Variants in ERICH1 observed in about 807,000 individuals in gnomAD.
ERICH1 encodes glutamate rich 1, also known as glutamate-rich protein 1.
Under a neutral mutation model 39.6 loss-of-function variants are expected in ERICH1, and 56 were observed. The ratio of observed to expected loss-of-function variants is 1.41; its 90% CI spans 1.14 to 1.77. ERICH1 has a LOEUF of 1.77. Among genes scored for constraint, ERICH1 ranks in the 40% most tolerant of loss-of-function variants. The pLI is 0.00. For synonymous variants in ERICH1, 313 were observed against 223.6 expected (o/e 1.40, Z -3.57); for missense variants, 826 against 575.4 (o/e 1.44, Z -4.45).
chr8:660,179 C>T (rs1303263517), downstream of ERICH1, among the ~76,000 whole-genome samples: 1 of 150,176 alleles, frequency 6.7e-6, no homozygotes, highest in Admixed American at 6.6e-5. Flanking sequence ...TTCCCCGACT[C>T]TCCCCCTGGC....
intron 5 of ERICH1, 172 bp downstream of exon 5, chr8:668,426 C>G (rs1393135837): frequency 4.7e-6 from 3 of 641,162 alleles, no homozygotes; most frequent in Non-Finnish European, 8.1e-6. Context: ...ATTTTTATAT[C>G]AAGCAGAGAT....
intron 3 of ERICH1, among the ~76,000 whole-genome samples, chr8:630,875 T>C (rs1584961579): frequency 1.2e-5 from 1 of 85,776 alleles, no homozygotes; most frequent in African/African-American, 5.1e-5. Context: ...ACTCACACCC[T>C]CCTGTGACCA....
chr8:655,791 TTC>T (rs144650377), intron 3 of ERICH1, among the ~76,000 whole-genome samples: 80,051 of 151,274 alleles, frequency 0.53, 21,303 homozygotes, highest in Non-Finnish European at 0.57. Flanking sequence ...TTTAAATACA[TTC>T]CTGCAGAATT....
intron 4 of ERICH1, 55 bp downstream of exon 4, chr8:673,234 T>C (rs1168695294): frequency 1.3e-6 from 2 of 1,515,694 alleles, no homozygotes; most frequent in Admixed American, 2.2e-5. Context: ...TTGTTTCTTT[T>C]AATAAACTTT....
At chr8:616,655 G>T in intron 3 of ERICH1, 1 of 453,630 alleles carries the variant, frequency 2.2e-6, no homozygotes, top group East Asian at 7.0e-5. Context: ...AGACAGACGG[G>T]GGCGCGGGGG....
chr8:668,477 C>T, intron 5 of ERICH1, 121 bp downstream of exon 5: 1 of 920,218 alleles, frequency 1.1e-6, no homozygotes, highest in African/African-American at 1.6e-5. Context: ...TTCTCCCATG[C>T]CATATGTGCA....
chr8:632,283 T>C (rs1217031682), intron 3 of ERICH1, among the ~76,000 whole-genome samples: 1 of 152,200 alleles, frequency 6.6e-6, no homozygotes, highest in African/African-American at 2.4e-5. Flanking sequence ...CTCAAAACTA[T>C]TGTTGCTTTC....
At chr8:696,751 C>T (rs867587296) in intron 2 of ERICH1, among the ~76,000 whole-genome samples, 228 of 46,532 alleles carry the variant, frequency 4.9e-3, no homozygotes, top group East Asian at 9.9e-3. Context: ...CTCTCACCCT[C>T]CACTCCTCTC....
At chr8:622,334 G>C (rs1466332674) in intron 3 of ERICH1, among the ~76,000 whole-genome samples, 3 of 152,134 alleles carry the variant, frequency 2.0e-5, no homozygotes, top group Non-Finnish European at 4.4e-5. Context: ...TAGGAGGTGG[G>C]GCCTTTGGAG....
At chr8:621,611 T>A (rs336425) in intron 3 of ERICH1, among the ~76,000 whole-genome samples, 12 of 151,626 alleles carry the variant, frequency 7.9e-5, no homozygotes, top group African/African-American at 2.9e-4. Context: ...CAGAAATAAC[T>A]GACACAGAGA....
chr8:639,544 G>A (rs1266634778), intron 3 of ERICH1, among the ~76,000 whole-genome samples: 1 of 152,150 alleles, frequency 6.6e-6, no homozygotes, highest in East Asian at 1.9e-4. Flanking sequence ...ACACGACCGA[G>A]AACCCTGGAT....
At chr8:652,381 C>A (rs1800087374) in intron 3 of ERICH1, among the ~76,000 whole-genome samples, 1 of 152,188 alleles carries the variant, frequency 6.6e-6, no homozygotes, top group African/African-American at 2.4e-5. Flanking sequence ...CAACCAAATG[C>A]AGAGCCCGAC....
Position 715,905 on chromosome 8 carries a change from A to C in ERICH1, c.125T>G (p.Val42Gly). The change falls in exon 2 of 6, where the codon GTG becomes GGG. Residue 42 changes from valine (V) to glycine (G), a missense_variant. Transcript: ENST00000262109. ...TTTCTGGCTCACTTTCTCAGAGGTCACTTTCTTTGGTGGATTTTGGACGGC... is the reference window on the plus strand; with the variant it reads ...TTTCTGGCTCACTTTCTCAGAGGTCCCTTTCTTTGGTGGATTTTGGACGGC... ...TLAVQNPPKK[V>G]TSEKVSQKHA... 1.2e-6 allele frequency: 2 copies of C among 1,613,880 alleles called. No homozygotes were observed.
At chr8:649,990 C>G (rs1488708089) in intron 3 of ERICH1, among the ~76,000 whole-genome samples, 1 of 152,190 alleles carries the variant, frequency 6.6e-6, no homozygotes, top group Non-Finnish European at 1.5e-5. Context: ...GGCTGCAGAG[C>G]CTGAGCACCC....
chr8:616,828 G>GAA (rs1796936215), intron 3 of ERICH1, among the ~76,000 whole-genome samples: 1 of 137,428 alleles, frequency 7.3e-6, no homozygotes, highest in Non-Finnish European at 1.6e-5. Context: ...CGGGGGGAGA[G>GAA]AGAGAGAAAG....
chr8:674,109 G>T, intron 3 of ERICH1, 62 bp from the exon 4 acceptor site: 1 of 1,470,172 alleles, frequency 6.8e-7, no homozygotes, highest in South Asian at 1.4e-5. Flanking sequence ...AACATATTAG[G>T]CTAAATAAAT....
intron 1 of ERICH1, among the ~76,000 whole-genome samples, chr8:717,039 C>T (rs569946499): frequency 5.9e-5 from 9 of 152,304 alleles, no homozygotes; most frequent in African/African-American, 1.7e-4. Flanking sequence ...CGTGGATGGA[C>T]CATGAAAACC....
intron 3 of ERICH1, among the ~76,000 whole-genome samples, chr8:691,941 G>C (rs1170187962): frequency 6.6e-6 from 1 of 152,188 alleles, no homozygotes; most frequent in Non-Finnish European, 1.5e-5. Flanking sequence ...GGCAACTTCA[G>C]CTTTTCCATG....
intron 3 of ERICH1, among the ~76,000 whole-genome samples, chr8:681,072 C>G (rs1373454967): frequency 6.6e-6 from 1 of 152,204 alleles, no homozygotes; most frequent in African/African-American, 2.4e-5. Flanking sequence ...TAAAAAACAC[C>G]GTATGCCAGA....
Sources: allele counts gnomAD v4.1 joint callset (sites outside exome capture counted in the v4.1 genomes callset), GRCh38; gene constraint gnomAD v4.1.1; transcripts MANE v1.5; gene names NCBI Gene and HGNC (gene_info 2026-07-23, HGNC 2026-07-21).